FLT1: variants seen among roughly 807,000 people sequenced by gnomAD.
FLT1 encodes vascular endothelial growth factor receptor 1.
A neutral mutation model predicts 156.3 loss-of-function variants in FLT1; 49 were observed. That is an observed-to-expected ratio of 0.31 (90% CI 0.25 to 0.40). The LOEUF is 0.40. FLT1 is among the 10% of genes least tolerant of loss of function. The pLI is 1.00. For synonymous variants in FLT1, 594 were observed against 583.8 expected, an observed-to-expected ratio of 1.02 and a Z score of -0.25; for missense variants, 1,322 against 1,637.2, an observed-to-expected ratio of 0.81 and a Z score of 3.32.
In FLT1 at chr13:28,322,763, G is replaced by T; in HGVS notation, c.2953+27C>A. ...GTATGTTGTAAAAATATCTCAGCGC[G>T]TAGGACAGGAAGGAATTAATACCTA... On this transcript the variant is annotated intron_variant, in intron 21 of 29. Coordinates refer to ENST00000282397, the MANE Select transcript of FLT1 (RefSeq NM_002019.4). The surrounding 1 kb of genome is among the most constrained non-coding windows in gnomAD (Gnocchi z 4.3). 1.2e-6 allele frequency: 2 copies of T among 1,608,052 alleles called. No homozygotes were observed. Among genetic ancestry groups the T allele is most frequent in the East Asian group, 2.2e-5 (1 of 44,862 alleles).
chr13:28,371,650 T>A (rs117136879), intron 14 of FLT1, among the ~76,000 whole-genome samples: 3,938 of 152,188 alleles, frequency 0.026, 127 homozygotes, highest in Admixed American at 0.089. Flanking sequence ...CTCAACTTAA[T>A]AAGAAAACAA....
chr13:28,405,210 T>C (rs1875710590), intron 11 of FLT1, among the ~76,000 whole-genome samples: 1 of 152,116 alleles, frequency 6.6e-6, no homozygotes, highest in South Asian at 2.1e-4. Flanking sequence ...ATAAAATGAA[T>C]AGTGCGCTGA....
chr13:28,308,748 A>T, intron 28 of FLT1, 95 bp downstream of exon 28: 1 of 813,972 alleles, frequency 1.2e-6, no homozygotes. Flanking sequence ...ACCCTCACTG[A>T]CCAAGAACTA....
intron 12 of FLT1, 107 bp downstream of exon 12, chr13:28,396,853 T>C (rs1216531518): frequency 1.3e-6 from 1 of 745,444 alleles, no homozygotes; most frequent in African/African-American, 1.7e-5. Context: ...GACAATTCTA[T>C]GGAATTAAAA....
Position 28,300,544 on chromosome 13 carries a change from CACACACACACACAT to C in FLT1, c.*2609_*2622del, listed in dbSNP as rs1453095330. 16 of 232,908 alleles carry C rather than the reference CACACACACACACAT, an allele frequency of 6.9e-5. No individual in the cohort carries two copies. Among genetic ancestry groups the C allele is most frequent in the Non-Finnish European group, 1.1e-4 (13 of 118,038 alleles). 14.4% of individuals were successfully genotyped at this position (232,908 alleles called of 1,614,324 possible). A position where few individuals can be genotyped will look rare whatever the true frequency, so the allele number is the denominator to read the frequency against. The stretch of plus-strand genomic sequence containing the variant: ...ACCCACACACACACACACACACACA[CACACACACACACAT>C]ACAGTTACACCACTGTCGGCCAAAG... On this transcript the variant is annotated 3_prime_UTR_variant, in exon 30 of 30. Transcript: ENST00000282397.
At chr13:28,317,435 C>T in intron 25 of FLT1, 63 bp downstream of exon 25, 4 of 1,031,172 alleles carry the variant, frequency 3.9e-6, no homozygotes, top group Non-Finnish European at 6.2e-6. Context: ...AACATCCCCT[C>T]TCAGGAATGC....
At chr13:28,408,734 A>G (rs1875963438) in intron 10 of FLT1, among the ~76,000 whole-genome samples, 3 of 152,300 alleles carry the variant, frequency 2.0e-5, no homozygotes, top group Admixed American at 2.0e-4. Context: ...GAAAGCTCCC[A>G]TGCACTATTC....
intron 6 of FLT1, among the ~76,000 whole-genome samples, chr13:28,433,226 A>G (rs142144313): frequency 2.8e-4 from 42 of 152,330 alleles, no homozygotes; most frequent in South Asian, 6.2e-4. Flanking sequence ...CATTTTTAAA[A>G]CAATTATTGT....
chr13:28,454,375 T>C (rs1329499220), intron 3 of FLT1, among the ~76,000 whole-genome samples: 2 of 152,186 alleles, frequency 1.3e-5, no homozygotes, highest in African/African-American at 4.8e-5. Context: ...GTAGTATTAA[T>C]AATAATAAAC....
chr13:28,413,593 G>A (rs1876456887), intron 10 of FLT1, among the ~76,000 whole-genome samples: 2 of 152,106 alleles, frequency 1.3e-5, no homozygotes, highest in Non-Finnish European at 2.9e-5. Context: ...AGGGTGATTT[G>A]AGAAATAAGA....
intron 1 of FLT1, among the ~76,000 whole-genome samples, chr13:28,494,471 A>ATG (rs1881642444): frequency 1.3e-5 from 2 of 151,906 alleles, no homozygotes; most frequent in Non-Finnish European, 2.9e-5. Flanking sequence ...CGGCAGTGAG[A>ATG]CCCCAACCCG....
chr13:28,368,287 G>C (rs1873378727), intron 14 of FLT1: 1 of 423,572 alleles, frequency 2.4e-6, no homozygotes, highest in African/African-American at 2.0e-5. Flanking sequence ...CGAGTAGCTG[G>C]CATTACAGGC....
chr13:28,375,287 T>C (rs1873793171), intron 14 of FLT1, among the ~76,000 whole-genome samples: 1 of 152,242 alleles, frequency 6.6e-6, no homozygotes, highest in Non-Finnish European at 1.5e-5. Flanking sequence ...TGAATATAAA[T>C]TATAGAACTC....
rs180763779 is a variant in FLT1, at chr13:28,404,957, T to C, written c.1551+823A>G. Among the ~76,000 whole-genome samples the C allele has an allele frequency of 3.5e-3, 528 of 150,714 alleles. 2 individuals carry two copies. Among genetic ancestry groups the C allele is most frequent in the African/African-American group, 0.012 (487 of 40,912 alleles). On this transcript the variant is annotated intron_variant, in intron 11 of 29. Transcript: ENST00000282397. ...ATCACTTGAATCCAGGAGGCAGAGG[T>C]TGCAGTGAGCCGAGATCACGCCATC...
In FLT1 at chr13:28,311,741, C is replaced by T; in HGVS notation, c.3493-9G>A. On this transcript the variant is annotated splice_polypyrimidine_tract_variant and intron_variant, in intron 26 of 29. Coordinates refer to ENST00000282397, the MANE Select transcript of FLT1 (RefSeq NM_002019.4). ...ATGTAGTCTTTACCATCCTAAAATA[C>T]CAAAGGTAGAGCTCTCGTTGCACCA... 1 of 1,613,866 alleles carries T rather than the reference C, an allele frequency of 6.2e-7. No individual in the cohort carries two copies. The highest frequency in any genetic ancestry group is 8.5e-7 in the Non-Finnish European group (1 of 1,179,870).
intron 18 of FLT1, among the ~76,000 whole-genome samples, chr13:28,332,156 A>G (rs1174946737): frequency 6.6e-6 from 1 of 152,136 alleles, no homozygotes; most frequent in East Asian, 1.9e-4. Context: ...TGAGCCTGAG[A>G]GGCAGAGGCT....
intron 1 of FLT1, among the ~76,000 whole-genome samples, chr13:28,488,651 G>A (rs905592348): frequency 2.0e-5 from 3 of 152,234 alleles, no homozygotes; most frequent in Middle Eastern, 3.4e-3. Context: ...AGGATAGGGA[G>A]GCACCAGCTC....
At chr13:28,308,563 C>T (rs1870850314) in intron 28 of FLT1, 1 of 441,402 alleles carries the variant, frequency 2.3e-6, no homozygotes, top group African/African-American at 2.0e-5. Flanking sequence ...GCATCACTGA[C>T]AGCTAAGCAG....
At chr13:28,490,674 A>G (rs1881423814) in intron 1 of FLT1, among the ~76,000 whole-genome samples, 2 of 152,198 alleles carry the variant, frequency 1.3e-5, no homozygotes, top group Admixed American at 1.3e-4. Context: ...ATGGAGCAGA[A>G]TGGACTGTTC....
Sources: allele counts gnomAD v4.1 joint callset (sites outside exome capture counted in the v4.1 genomes callset), GRCh38; gene constraint gnomAD v4.1.1; non-coding constraint Gnocchi (gnomAD v3.1); transcripts MANE v1.5; gene names NCBI Gene and HGNC (gene_info 2026-07-23, HGNC 2026-07-21).